The following IL36B variants were observed in gnomAD, a reference collection of about 807,000 sequenced individuals.
IL36B encodes the protein interleukin-36 beta.
A neutral mutation model predicts 19.3 loss-of-function variants in IL36B; 23 were observed. The observed-to-expected ratio is 1.19, with a 90% CI of 0.86 to 1.69. IL36B has a LOEUF of 1.69. IL36B is among the 40% of genes most tolerant of loss of function. The pLI, the probability that IL36B is intolerant of heterozygous loss-of-function variation, is 0.00. For missense variants in IL36B, 217 were observed against 200.5 expected (o/e 1.08, Z -0.50); for synonymous variants, 59 against 59.7 (o/e 0.99, Z 0.05).
Position 113,028,972 on chromosome 2 carries a change from T to C in IL36B, c.228A>G (p.Ala76=). 1 of 1,614,180 alleles carries C rather than the reference T, an allele frequency of 6.2e-7. No homozygotes were observed. Among genetic ancestry groups the C allele is most frequent in the East Asian group, 2.2e-5 (1 of 44,892 alleles). Residue 76 remains alanine (A), a synonymous_variant, in exon 4 of 6, where the codon GCA becomes GCG. Transcript: ENST00000259213. ...GCAAAGTAGGCTTGCCCTGAATTTC[T>C]GCACAGAAGAGACAGAGATCTTTTC...
intron 1 of IL36B, among the ~76,000 whole-genome samples, chr2:113,041,965 C>T (rs1456995178): frequency 6.6e-6 from 1 of 152,142 alleles, no homozygotes; most frequent in Non-Finnish European, 1.5e-5. Flanking sequence ...TGGCATTACC[C>T]TCAAGGATGC....
At chr2:113,025,513 T>C (rs1264364317) in intron 5 of IL36B, among the ~76,000 whole-genome samples, 1 of 152,206 alleles carries the variant, frequency 6.6e-6, no homozygotes, top group African/African-American at 2.4e-5. Flanking sequence ...TCTGCCTCTA[T>C]GTACCTAGAA....
At chr2:113,042,085 C>A (rs542049271) in intron 1 of IL36B, among the ~76,000 whole-genome samples, 189 of 152,214 alleles carry the variant, frequency 1.2e-3, no homozygotes, top group African/African-American at 3.9e-3. Flanking sequence ...CTAGGAGGTG[C>A]CTCTGACACC....
At chr2:113,036,251 T>C (rs1238170184) in intron 1 of IL36B, among the ~76,000 whole-genome samples, 1 of 152,032 alleles carries the variant, frequency 6.6e-6, no homozygotes, top group Non-Finnish European at 1.5e-5. Flanking sequence ...GGCCTGATTC[T>C]ATATTATTTT....
At chr2:113,036,238 C>T (rs1423863553) in intron 1 of IL36B, among the ~76,000 whole-genome samples, 1 of 152,032 alleles carries the variant, frequency 6.6e-6, no homozygotes, top group Non-Finnish European at 1.5e-5. Context: ...AGCCAGCGTA[C>T]CAGGCCTGAT....
intron 1 of IL36B, among the ~76,000 whole-genome samples, chr2:113,046,328 A>G (rs1361377912): frequency 4.6e-5 from 7 of 150,668 alleles, no homozygotes; most frequent in Non-Finnish European, 7.4e-5. Context: ...TCCTGCTTCA[A>G]CCTCCTGAGT....
At chr2:113,039,664 A>G (rs1043743904) in intron 1 of IL36B, among the ~76,000 whole-genome samples, 5 of 152,224 alleles carry the variant, frequency 3.3e-5, no homozygotes, top group African/African-American at 9.6e-5. Context: ...AGGTATCAGG[A>G]AAAAAAGCAA....
intron 1 of IL36B, among the ~76,000 whole-genome samples, chr2:113,037,006 G>T (rs1369383047): frequency 1.3e-5 from 2 of 152,262 alleles, no homozygotes; most frequent in African/African-American, 4.8e-5. Context: ...CTAAGATCCA[G>T]TCGAAACTAT....
chr2:113,038,463 T>A (rs1372955412), intron 1 of IL36B, among the ~76,000 whole-genome samples: 1 of 152,256 alleles, frequency 6.6e-6, no homozygotes, highest in Admixed American at 6.5e-5. Flanking sequence ...AATCTCTCCT[T>A]CATGCTTCCT....
intron 5 of IL36B, chr2:113,026,053 C>T: frequency 1.3e-6 from 2 of 1,596,260 alleles, no homozygotes; most frequent in Non-Finnish European, 1.7e-6. Context: ...AGAATGAACG[C>T]ATCTCAGAAT....
Position 113,022,092 on chromosome 2 carries a change from C to T in IL36B, c.*582G>A, listed in dbSNP as rs1684871418. The T allele has an allele frequency of 6.6e-6, 1 of 152,094 alleles. No individual in the cohort carries two copies. The highest frequency in any genetic ancestry group is 1.5e-5 in the Non-Finnish European group (1 of 68,022). The allele number at this position is 152,094 out of a possible 1,614,324, so 9.4% of individuals were successfully genotyped here. A position where few individuals can be genotyped will look rare whatever the true frequency, so the allele number is the denominator to read the frequency against. On this transcript the variant is annotated 3_prime_UTR_variant, in exon 6 of 6. Coordinates refer to ENST00000259213, the MANE Select transcript of IL36B (RefSeq NM_014438.5). ...AAATAATATCATATAGACTTGATTA[C>T]ATGGGAAAAACTAGTTTATTTTACC... is the stretch of plus-strand genomic sequence containing the variant.
At chr2:113,040,072 C>A (rs1353837080) in intron 1 of IL36B, among the ~76,000 whole-genome samples, 1 of 152,150 alleles carries the variant, frequency 6.6e-6, no homozygotes, top group Non-Finnish European at 1.5e-5. Flanking sequence ...GACTCCACAT[C>A]AAGAATAAAG....
intron 1 of IL36B, among the ~76,000 whole-genome samples, chr2:113,033,418 CA>C (rs1267160438): frequency 6.6e-6 from 1 of 152,056 alleles, no homozygotes; most frequent in African/African-American, 2.4e-5. Context: ...TTTTATATTT[CA>C]GTAGAGAAGG....
intron 5 of IL36B, among the ~76,000 whole-genome samples, chr2:113,023,056 C>A (rs1273429671): frequency 6.6e-6 from 1 of 152,142 alleles, no homozygotes; most frequent in South Asian, 2.1e-4. Flanking sequence ...CTTCCCTAAT[C>A]CAGCTGTAAC....
In IL36B at chr2:113,022,762, T is replaced by C. The variant is rs773647007; in HGVS notation, c.407A>G (p.Lys136Arg). ...GAGATGGTGATGTTGAAAGGAACTC[T>C]TCCACTTCTTTCTACCTGCAGGAAA... The change falls in exon 6 of 6, where the codon AAG becomes AGG. Residue 136 changes from lysine to arginine, a missense_variant. Coordinates refer to ENST00000259213, the MANE Select transcript of IL36B (RefSeq NM_014438.5). The C allele has an allele frequency of 6.2e-6, 10 of 1,609,886 alleles. No homozygotes were observed. Among genetic ancestry groups the C allele is most frequent in the Non-Finnish European group, 7.7e-6 (9 of 1,176,336 alleles).
At chr2:113,046,273 C>G (rs1685348401) in intron 1 of IL36B, among the ~76,000 whole-genome samples, 1 of 150,050 alleles carries the variant, frequency 6.7e-6, no homozygotes, top group Non-Finnish European at 1.5e-5. Context: ...GCAGTGGCAC[C>G]ATCTCGGCTT....
At chr2:113,030,443 T>C (rs968975850) in intron 3 of IL36B, among the ~76,000 whole-genome samples, 4 of 152,140 alleles carry the variant, frequency 2.6e-5, no homozygotes, top group African/African-American at 9.7e-5. Context: ...GAAGTTTTGC[T>C]ATGATTGGCA....
intron 1 of IL36B, among the ~76,000 whole-genome samples, chr2:113,046,695 A>C (rs536471888): frequency 9.1e-4 from 139 of 152,240 alleles, no homozygotes; most frequent in Middle Eastern, 3.4e-3. Context: ...TTATGATTAG[A>C]CTAGGGTTAT....
chr2:113,025,080 G>C (rs185865873), intron 5 of IL36B, among the ~76,000 whole-genome samples: 4 of 152,116 alleles, frequency 2.6e-5, no homozygotes, highest in African/African-American at 9.7e-5. Context: ...ACTGTGCACC[G>C]AGCCCTCCAA....
Sources: gnomAD v4.1 joint callset for allele counts (sites outside exome capture counted in the v4.1 genomes callset) on GRCh38, gnomAD v4.1.1 for gene constraint, MANE v1.5 for transcripts, NCBI Gene and HGNC (gene_info 2026-07-23, HGNC 2026-07-21) for gene names.